The following TAFA1 variants were observed in gnomAD, a reference collection of about 807,000 sequenced individuals.
The protein encoded by TAFA1 is TAFA chemokine like family member 1.
A neutral mutation model predicts 18.5 loss-of-function variants in TAFA1; 4 were observed. The observed-to-expected ratio is 0.22, with a 90% CI of 0.11 to 0.49. The LOEUF (loss-of-function observed/expected upper bound fraction) is 0.49, where lower values mean the gene tolerates loss of function less well. Among genes scored for constraint, TAFA1 ranks in the 20% least tolerant of loss-of-function variants. TAFA1 has a pLI of 0.98. For synonymous variants in TAFA1, 56 were observed against 55.2 expected (o/e 1.01, Z -0.06); for missense variants, 147 against 169.0 (o/e 0.87, Z 0.72).
intron 2 of TAFA1, among the ~76,000 whole-genome samples, chr3:68,191,182 T>A (rs986655147): frequency 3.3e-5 from 5 of 151,896 alleles, no homozygotes; most frequent in African/African-American, 1.2e-4. Context: ...TTTCCATTTT[T>A]AAATTCTGTG....
chr3:68,479,658 C>T (rs1158741885), intron 3 of TAFA1, among the ~76,000 whole-genome samples: 7 of 152,086 alleles, frequency 4.6e-5, no homozygotes, highest in Admixed American at 1.3e-4. Context: ...AATGTACATG[C>T]TCAATCAGAA....
intron 2 of TAFA1, among the ~76,000 whole-genome samples, chr3:68,263,012 C>T (rs937975025): frequency 6.6e-6 from 1 of 152,172 alleles, no homozygotes; most frequent in South Asian, 2.1e-4. Context: ...GAAGGACAGT[C>T]ACCCCTGATA....
intron 3 of TAFA1, among the ~76,000 whole-genome samples, chr3:68,440,787 G>T (rs1183997512): frequency 2.0e-5 from 3 of 152,084 alleles, no homozygotes; most frequent in African/African-American, 7.2e-5. Flanking sequence ...CTCCATTGTG[G>T]AATAGTAGAC....
intron 2 of TAFA1, among the ~76,000 whole-genome samples, chr3:68,256,736 A>G (rs1314864612): frequency 6.6e-6 from 1 of 152,118 alleles, no homozygotes; most frequent in African/African-American, 2.4e-5. Context: ...ATTATAATAT[A>G]AATCAGTCAG....
At chr3:68,277,845 A>G (rs1423248875) in intron 2 of TAFA1, among the ~76,000 whole-genome samples, 2 of 152,198 alleles carry the variant, frequency 1.3e-5, no homozygotes, top group Non-Finnish European at 2.9e-5. Context: ...CCTCTACTCA[A>G]CAATATATCG....
chr3:68,346,015 C>CT (rs1215997447), intron 2 of TAFA1, among the ~76,000 whole-genome samples: 2 of 151,922 alleles, frequency 1.3e-5, no homozygotes, highest in Admixed American at 6.6e-5. Context: ...CTTCGCAGCT[C>CT]TTTTTTTTAC....
At chr3:68,491,657 T>C (rs2072456069) in intron 3 of TAFA1, among the ~76,000 whole-genome samples, 1 of 150,656 alleles carries the variant, frequency 6.6e-6, no homozygotes, top group Admixed American at 6.6e-5. Flanking sequence ...AACCTGCACA[T>C]TGTGCACATG....
rs1260835123 is a variant in TAFA1 at position 68,046,987 on chromosome 3, A to T, written c.118+40243A>T. 2.0e-5 allele frequency among the ~76,000 whole-genome samples: 3 copies of T among 152,222 alleles called. No homozygotes were observed. In the East Asian group the frequency reaches 5.8e-4, roughly 29 times the overall value. ...CAGAAGTTGTTAGAAATATGCAAGCACTGTGTTTAATATTTGAATACAGCT... is the reference window on the plus strand; with the variant it reads ...CAGAAGTTGTTAGAAATATGCAAGCTCTGTGTTTAATATTTGAATACAGCT... On this transcript the variant is annotated intron_variant, in intron 2 of 4. Coordinates refer to ENST00000478136, the MANE Select transcript of TAFA1 (RefSeq NM_213609.4).
At chr3:68,517,883 G>C (rs953482548) in intron 3 of TAFA1, among the ~76,000 whole-genome samples, 1 of 151,910 alleles carries the variant, frequency 6.6e-6, no homozygotes, top group Non-Finnish European at 1.5e-5. Flanking sequence ...AAGCAGCACA[G>C]TTCCTAAAAT....
intron 2 of TAFA1, among the ~76,000 whole-genome samples, chr3:68,112,338 T>C (rs2065272405): frequency 1.3e-5 from 2 of 152,182 alleles, no homozygotes; most frequent in African/African-American, 2.4e-5. Flanking sequence ...TCAAAGTTGT[T>C]TAATGTTTCT....
At chr3:68,121,249 A>ATGTGTGTGTGTGTG (rs67968765) in intron 2 of TAFA1, among the ~76,000 whole-genome samples, 1 of 147,970 alleles carries the variant, frequency 6.8e-6, no homozygotes, top group African/African-American at 2.5e-5. Flanking sequence ...ATGTACATTA[A>ATGTGTGTGTGTGTG]TGTGTGTGTG....
At chr3:68,286,733 G>A (rs2068015023) in intron 2 of TAFA1, among the ~76,000 whole-genome samples, 1 of 152,200 alleles carries the variant, frequency 6.6e-6, no homozygotes, top group African/African-American at 2.4e-5. Flanking sequence ...AGAGGAATAT[G>A]AGGAGACAAG....
chr3:68,002,797 TC>T (rs1704298265), upstream of TAFA1, among the ~76,000 whole-genome samples: 1 of 152,212 alleles, frequency 6.6e-6, no homozygotes, highest in Non-Finnish European at 1.5e-5. Flanking sequence ...CGTTCTTTAA[TC>T]TTCCTGTCTC....
intron 2 of TAFA1, among the ~76,000 whole-genome samples, chr3:68,134,252 C>G (rs1030351680): frequency 2.1e-4 from 32 of 152,064 alleles, no homozygotes; most frequent in African/African-American, 7.5e-4. Flanking sequence ...TGAAGGTGAA[C>G]AAGGACACAG....
chr3:68,307,287 ATTAAC>A (rs1575764447), intron 2 of TAFA1, among the ~76,000 whole-genome samples: 1 of 152,340 alleles, frequency 6.6e-6, no homozygotes. Context: ...AAATTATTTT[ATTAAC>A]TTAAATAAGA....
intron 2 of TAFA1, among the ~76,000 whole-genome samples, chr3:68,373,404 C>T (rs554712038): frequency 6.6e-6 from 1 of 152,216 alleles, no homozygotes; most frequent in Admixed American, 6.5e-5. Context: ...GAGATTTGAA[C>T]ATGTGGTTAT....
At chr3:68,030,495 A>G (rs1487814412) in intron 2 of TAFA1, among the ~76,000 whole-genome samples, 1 of 152,002 alleles carries the variant, frequency 6.6e-6, no homozygotes, top group African/African-American at 2.4e-5. Flanking sequence ...ACTCCCACTT[A>G]TGAGTGAGAA....
chr3:68,122,967 T>C (rs1330812550), intron 2 of TAFA1, among the ~76,000 whole-genome samples: 4 of 151,856 alleles, frequency 2.6e-5, no homozygotes, highest in Non-Finnish European at 5.9e-5. Flanking sequence ...GAGAGGTGGC[T>C]AACCTACTAG....
intron 3 of TAFA1, among the ~76,000 whole-genome samples, chr3:68,472,095 A>G (rs1474271142): frequency 6.6e-6 from 1 of 152,132 alleles, no homozygotes; most frequent in African/African-American, 2.4e-5. Flanking sequence ...CAGTGACAGA[A>G]TGATATGGTT....
Sources: gnomAD v4.1 joint callset for allele counts (sites outside exome capture counted in the v4.1 genomes callset) on GRCh38, gnomAD v4.1.1 for gene constraint, MANE v1.5 for transcripts, NCBI Gene and HGNC (gene_info 2026-07-23, HGNC 2026-07-21) for gene names.